The following GOLIM4 variants were observed in gnomAD, a reference collection of about 807,000 sequenced individuals.
The protein encoded by GOLIM4 is 130 kDa golgi-localized phosphoprotein.
GOLIM4 carries 71 observed loss-of-function variants against 107.4 expected under a neutral mutation model. The observed-to-expected ratio is 0.66, with a 90% CI of 0.55 to 0.81. The LOEUF (loss-of-function observed/expected upper bound fraction) is 0.81. Ranked by LOEUF, GOLIM4 falls within the 30% of genes least tolerant of loss-of-function variation. GOLIM4 has a pLI of 0.00. For missense variants in GOLIM4, 830 were observed against 826.1 expected, an observed-to-expected ratio of 1.00 and a Z score of -0.06; for synonymous variants, 327 against 294.8, an observed-to-expected ratio of 1.11 and a Z score of -1.12.
Position 168,033,157 on chromosome 3 carries a change from A to G in GOLIM4, c.844-305T>C, listed in dbSNP as rs564268463. Among the ~76,000 whole-genome samples, 64 of 152,340 alleles carry G rather than the reference A, an allele frequency of 4.2e-4. 1 individual carries two copies. The South Asian group carries it at 4.4e-3, about 10-fold the overall frequency. On this transcript the variant is annotated intron_variant, in intron 8 of 15. Coordinates refer to ENST00000470487, the MANE Select transcript of GOLIM4 (RefSeq NM_014498.5). ...TCTAATTCCTATTTTCCCTTAGAAT[A>G]AAAAGGAACAAAACCTCAAACTTCA...
At chr3:168,069,157 A>G (rs913006215) in intron 1 of GOLIM4, among the ~76,000 whole-genome samples, 1 of 152,060 alleles carries the variant, frequency 6.6e-6, no homozygotes, top group Non-Finnish European at 1.5e-5. Flanking sequence ...TGCTACACAA[A>G]CTATTTTTTT....
chr3:168,046,819 A>G lies in GOLIM4; in HGVS notation c.312+131T>C, dbSNP rs535362628. 164 of 440,010 alleles carry G rather than the reference A, an allele frequency of 3.7e-4. 1 individual carries two copies. Among genetic ancestry groups the G allele is most frequent in the East Asian group, 1.6e-3 (42 of 26,354 alleles). The allele number at this position is 440,010 out of a possible 1,614,324, so 27.3% of individuals were successfully genotyped here. ...TTTTTTGGCAGCCAAAAAAAAAAAA[A>G]GGGGGTGTCAGTCCTATAATCCCAG... On this transcript the variant is annotated intron_variant, in intron 3 of 15. Coordinates refer to ENST00000470487, the MANE Select transcript of GOLIM4 (RefSeq NM_014498.5).
intron 1 of GOLIM4, among the ~76,000 whole-genome samples, chr3:168,055,991 A>C (rs11928654): frequency 0.38 from 58,462 of 152,098 alleles, 12,284 homozygotes; most frequent in Middle Eastern, 0.53. Flanking sequence ...AATGTTAACG[A>C]CCAAGACAAT....
Position 168,088,547 on chromosome 3 carries a change from C to T in GOLIM4, c.187+6552G>A, listed in dbSNP as rs901325273. On this transcript the variant is annotated intron_variant, in intron 1 of 15. Transcript: ENST00000470487. Reference sequence around the variant, plus strand: ...TATTTGCCTGCTCAAGGTCACCCTGCTGGTAAATGCCTGAGTTGCACTGAA... The same window carrying T: ...TATTTGCCTGCTCAAGGTCACCCTGTTGGTAAATGCCTGAGTTGCACTGAA... 2.0e-5 allele frequency among the ~76,000 whole-genome samples: 3 copies of T among 152,318 alleles called. No homozygotes were observed. In the East Asian group the frequency reaches 5.8e-4, roughly 29 times the overall value.
chr3:168,064,800 G>A (rs1720456859), intron 1 of GOLIM4, among the ~76,000 whole-genome samples: 1 of 151,986 alleles, frequency 6.6e-6, no homozygotes, highest in South Asian at 2.1e-4. Flanking sequence ...AAAGGTGCAT[G>A]ACTGGATGCT....
chr3:168,070,532 CTAAAG>C (rs1465947607), intron 1 of GOLIM4, among the ~76,000 whole-genome samples: 3 of 152,194 alleles, frequency 2.0e-5, no homozygotes, highest in African/African-American at 7.2e-5. Flanking sequence ...ATTAAAGTCT[CTAAAG>C]TAATTTTCTA....
chr3:168,027,831 T>C lies in GOLIM4; in HGVS notation c.1520A>G (p.Glu507Gly). ...QGIQGEEGAYERDNQHQDEAE... is the reference protein window; with the variant it reads ...QGIQGEEGAYGRDNQHQDEAE... ...TTCATCTTGGTGCTGGTTGTCTCTT[T>C]CATAGGCTAGCAAATCAAAGGAACT... Residue 507 changes from glutamate to glycine, a missense_variant, in exon 12 of 16, where the codon GAA becomes GGA. By Grantham distance (98) the Glu-to-Gly change is moderately conservative. Coordinates refer to ENST00000470487, the MANE Select transcript of GOLIM4 (RefSeq NM_014498.5). 6.2e-7 allele frequency: 1 copy of C among 1,600,030 alleles called. No individual in the cohort carries two copies. Among genetic ancestry groups the C allele is most frequent in the Non-Finnish European group, 8.6e-7 (1 of 1,167,322 alleles).
chr3:168,068,853 T>G (rs1314138651), intron 1 of GOLIM4, among the ~76,000 whole-genome samples: 5 of 150,674 alleles, frequency 3.3e-5, no homozygotes, highest in Non-Finnish European at 4.4e-5. Flanking sequence ...TTTTTTTTTT[T>G]GAGACAGAGT....
At chr3:168,010,949 A>C in intron 14 of GOLIM4, 126 bp from the exon 15 acceptor site, 1 of 711,716 alleles carries the variant, frequency 1.4e-6, no homozygotes, top group Non-Finnish European at 2.5e-6. Context: ...AGTTCACTCA[A>C]AATAGCAGAA....
chr3:168,054,633 AAAT>A (rs149805969), intron 1 of GOLIM4, among the ~76,000 whole-genome samples: 6,333 of 151,766 alleles, frequency 0.042, 407 homozygotes, highest in African/African-American at 0.14. Flanking sequence ...ATTAATTATA[AAAT>A]AATAATTTTT....
At chr3:168,094,622 T>C (rs949725995) in intron 1 of GOLIM4, among the ~76,000 whole-genome samples, 1 of 152,250 alleles carries the variant, frequency 6.6e-6, no homozygotes, top group African/African-American at 2.4e-5. Context: ...CATGGCTTAA[T>C]TTTCCCTTGA....
rs183213691 is a variant in GOLIM4 at position 168,059,502 on chromosome 3, T to C, written c.188-11137A>G. Among the ~76,000 whole-genome samples the C allele has an allele frequency of 1.6e-4, 25 of 152,368 alleles. No individual in the cohort carries two copies. In the Middle Eastern group the frequency reaches 0.02, roughly 124 times the overall value. ...TCTTAGTCTTATTTAAGGTTACTACTGCATCCCAAATATTTCATTCAACAA... is the reference window on the plus strand; with the variant it reads ...TCTTAGTCTTATTTAAGGTTACTACCGCATCCCAAATATTTCATTCAACAA... On this transcript the variant is annotated intron_variant, in intron 1 of 15. Coordinates refer to ENST00000470487, the MANE Select transcript of GOLIM4 (RefSeq NM_014498.5).
chr3:168,073,782 G>C (rs1720945412), intron 1 of GOLIM4, among the ~76,000 whole-genome samples: 1 of 152,194 alleles, frequency 6.6e-6, no homozygotes, highest in African/African-American at 2.4e-5. Context: ...GTTCAGAGGT[G>C]AAAACATAGA....
intron 1 of GOLIM4, among the ~76,000 whole-genome samples, chr3:168,050,869 T>TAAA (rs1243662262): frequency 6.3e-5 from 9 of 142,770 alleles, no homozygotes; most frequent in South Asian, 2.3e-4. Flanking sequence ...ATAATAATAA[T>TAAA]AAAACCTAGC....
In GOLIM4 at chr3:168,027,095, AC is replaced by A. The variant is rs1409985835; in HGVS notation, c.1623+632del. Among the ~76,000 whole-genome samples the A allele has an allele frequency of 2.0e-5, 3 of 152,230 alleles. No homozygotes were observed. The East Asian group carries it at 5.8e-4, about 29-fold the overall frequency. On this transcript the variant is annotated intron_variant, in intron 12 of 15. Transcript: ENST00000470487. ...GTAGGCAGGGCCAAGGATCTAGCCC[AC>A]CCAGCTGAACTAGAGGTCTCAGTCT...
In GOLIM4 at chr3:168,029,304, T is replaced by C; in HGVS notation, c.1434-2A>G. ...ATAGCATCATAATGAGCTTGCTGCC[T>C]ACAAGAGACACAAACATGATAAATC... On this transcript the variant is annotated splice_acceptor_variant, in intron 10 of 15. Transcript: ENST00000470487. LOFTEE classifies it high-confidence loss of function. The C allele has an allele frequency of 6.3e-7, 1 of 1,591,016 alleles. No individual in the cohort carries two copies. The highest frequency in any genetic ancestry group is 8.6e-7 in the Non-Finnish European group (1 of 1,162,390).
intron 1 of GOLIM4, among the ~76,000 whole-genome samples, chr3:168,052,117 G>C (rs1296179757): frequency 2.0e-5 from 3 of 152,132 alleles, no homozygotes; most frequent in African/African-American, 7.2e-5. Flanking sequence ...CAGTTTCCTT[G>C]TACGGTTTGT....
chr3:168,051,490 CG>C (rs1488148771), intron 1 of GOLIM4, among the ~76,000 whole-genome samples: 3 of 152,072 alleles, frequency 2.0e-5, no homozygotes, highest in Non-Finnish European at 4.4e-5. Flanking sequence ...GAAAGGCAAG[CG>C]TGTTTGCGAA....
chr3:168,094,922 G>A (rs1722091663), intron 1 of GOLIM4, among the ~76,000 whole-genome samples, 177 bp downstream of exon 1: 1 of 152,198 alleles, frequency 6.6e-6, no homozygotes, highest in South Asian at 2.1e-4. Flanking sequence ...GGGAGGATGA[G>A]AATGTCATCT....
Sources: gnomAD v4.1 joint callset for allele counts (sites outside exome capture counted in the v4.1 genomes callset) on GRCh38, gnomAD v4.1.1 for gene constraint, MANE v1.5 for transcripts, NCBI Gene and HGNC (gene_info 2026-07-23, HGNC 2026-07-21) for gene names.